The following VPS8 variants were observed in gnomAD, a reference collection of about 807,000 sequenced individuals.
The protein encoded by VPS8 is VPS8 subunit of CORVET complex, also known as vacuolar protein sorting-associated protein 8 homolog.
Under a neutral mutation model 216.4 loss-of-function variants are expected in VPS8, and 129 were observed. The observed-to-expected ratio is 0.60, with a 90% CI of 0.52 to 0.69. The LOEUF (loss-of-function observed/expected upper bound fraction) is 0.69, where lower values mean the gene tolerates loss of function less well. Among genes scored for constraint, VPS8 ranks in the 30% least tolerant of loss-of-function variants. VPS8 has a pLI of 0.00. For missense variants in VPS8, 1,531 were observed against 1,683.5 expected (o/e 0.91, Z 1.59); for synonymous variants, 571 against 565.4 (o/e 1.01, Z -0.14).
intron 21 of VPS8, among the ~76,000 whole-genome samples, chr3:184,874,458 AGC>A (rs1304214498): frequency 2.0e-5 from 3 of 152,200 alleles, no homozygotes; most frequent in Non-Finnish European, 2.9e-5. Flanking sequence ...AAATCTAGGT[AGC>A]GCCAAGAATC....
At chr3:184,882,873 C>T (rs1460854596) in intron 21 of VPS8, among the ~76,000 whole-genome samples, 1 of 151,988 alleles carries the variant, frequency 6.6e-6, no homozygotes, top group Admixed American at 6.6e-5. Context: ...CCTTATTATC[C>T]TTTTGATGTT....
At chr3:184,887,900 C>T (rs1045843597) in intron 22 of VPS8, among the ~76,000 whole-genome samples, 2 of 151,906 alleles carry the variant, frequency 1.3e-5, no homozygotes, top group African/African-American at 4.8e-5. Flanking sequence ...TTACTTGGGG[C>T]TCAAATTTAT....
intron 1 of VPS8, 61 bp from the exon 2 acceptor site, chr3:184,824,484 A>G: frequency 1.2e-6 from 1 of 827,932 alleles, no homozygotes. Flanking sequence ...TCCAATTGAC[A>G]AGGAGGAAAT....
intron 42 of VPS8, among the ~76,000 whole-genome samples, chr3:184,985,244 A>G (rs1178158015): frequency 6.6e-6 from 1 of 152,216 alleles, no homozygotes; most frequent in Non-Finnish European, 1.5e-5. Flanking sequence ...ACTGAAGTAT[A>G]GAGAAGTTGA....
intron 18 of VPS8, 146 bp downstream of exon 18, chr3:184,868,205 G>GA (rs1727718742): frequency 1.3e-6 from 1 of 741,764 alleles, no homozygotes; most frequent in Admixed American, 2.8e-5. Context: ...TTAGGTACTT[G>GA]ATTTGCTAGA....
chr3:184,924,604 T>C (rs1454773525), intron 29 of VPS8, among the ~76,000 whole-genome samples: 1 of 152,144 alleles, frequency 6.6e-6, no homozygotes, highest in Non-Finnish European at 1.5e-5. Context: ...ACACTTTACA[T>C]CTCTACCTCT....
intron 21 of VPS8, among the ~76,000 whole-genome samples, chr3:184,883,583 C>T (rs946388053): frequency 1.3e-5 from 2 of 152,124 alleles, no homozygotes; most frequent in African/African-American, 2.4e-5. Context: ...ATTTTGTCCA[C>T]GGTTCTTTAT....
At position 184,992,599 on chromosome 3, in the gene VPS8, CT is replaced by C. The variant is rs149375000; in HGVS notation, c.3586-1383del. Among the ~76,000 whole-genome samples, 210 of 151,912 alleles carry C rather than the reference CT, an allele frequency of 1.4e-3. 1 individual carries two copies. The highest frequency in any genetic ancestry group is 4.8e-3 in the African/African-American group (200 of 41,454). Reference sequence around the variant, plus strand: ...AACTTAGTAATATGTTAAACATAAACTGCTTAGTACTGTACTTGGCATATGC... The same window carrying C: ...AACTTAGTAATATGTTAAACATAAACGCTTAGTACTGTACTTGGCATATGC... On this transcript the variant is annotated intron_variant, in intron 42 of 47. Transcript: ENST00000625842.
At chr3:184,900,231 A>G (rs377357088) in intron 24 of VPS8, among the ~76,000 whole-genome samples, 1 of 152,348 alleles carries the variant, frequency 6.6e-6, no homozygotes, top group African/African-American at 2.4e-5. Context: ...CTGACAATAT[A>G]CAGATTAACA....
intron 46 of VPS8, among the ~76,000 whole-genome samples, chr3:185,036,468 C>A (rs1263556131): frequency 1.3e-5 from 2 of 152,066 alleles, no homozygotes; most frequent in Non-Finnish European, 2.9e-5. Context: ...AACCTACAAC[C>A]ACCTGATCTT....
chr3:184,876,588 G>T (rs1457537975), intron 21 of VPS8, among the ~76,000 whole-genome samples: 1 of 152,110 alleles, frequency 6.6e-6, no homozygotes, highest in Non-Finnish European at 1.5e-5. Context: ...TTTCTGCTTG[G>T]ATGTTTTGTA....
At chr3:184,897,557 G>T (rs1379138584) in intron 23 of VPS8, among the ~76,000 whole-genome samples, 3 of 152,102 alleles carry the variant, frequency 2.0e-5, no homozygotes, top group African/African-American at 7.2e-5. Context: ...TAGAGGGGAG[G>T]TTAGGGCTGA....
At chr3:185,016,501 A>G (rs1316697754) in intron 45 of VPS8, among the ~76,000 whole-genome samples, 11 of 152,236 alleles carry the variant, frequency 7.2e-5, no homozygotes, top group Non-Finnish European at 1.0e-4. Context: ...ACACTTTCCA[A>G]TGAAAACGCT....
At chr3:184,853,423 G>A (rs557261877) in intron 11 of VPS8, among the ~76,000 whole-genome samples, 5 of 152,326 alleles carry the variant, frequency 3.3e-5, no homozygotes, top group African/African-American at 1.2e-4. Flanking sequence ...TGAATGGTGA[G>A]CCAGTCAACA....
At chr3:184,928,198 T>G (rs764135898) in intron 31 of VPS8, among the ~76,000 whole-genome samples, 1 of 152,214 alleles carries the variant, frequency 6.6e-6, no homozygotes, top group Non-Finnish European at 1.5e-5. Flanking sequence ...TAATAGGGCT[T>G]TATTTGTAAA....
intron 1 of VPS8, among the ~76,000 whole-genome samples, chr3:184,820,236 G>A (rs986005865): frequency 6.6e-6 from 1 of 152,154 alleles, no homozygotes; most frequent in Non-Finnish European, 1.5e-5. Flanking sequence ...AGATCAAGAC[G>A]ACTTCAGTCC....
In VPS8 at chr3:184,843,265, T is replaced by C. The variant is rs1722521076; in HGVS notation, c.541+20T>C. The C allele has an allele frequency of 7.2e-7, 1 of 1,392,578 alleles. No individual in the cohort carries two copies. The highest frequency in any genetic ancestry group is 9.5e-7 in the Non-Finnish European group (1 of 1,052,560). The allele number at this position is 1,392,578 out of a possible 1,614,324, so 86.3% of individuals were successfully genotyped here. ...GAAAAGGTATAGTAAGTAATTTTAG[T>C]TTGCATGAATGGTTTCTTTTGGTCT... On this transcript the variant is annotated intron_variant, in intron 8 of 47. Transcript: ENST00000625842.
intron 29 of VPS8, 113 bp downstream of exon 29, chr3:184,920,311 G>T (rs1409798670): frequency 1.5e-6 from 1 of 689,566 alleles, no homozygotes; most frequent in East Asian, 3.4e-5. Context: ...GAATCATATC[G>T]TAAAATTTTA....
Position 184,983,022 on chromosome 3 carries a change from T to C in VPS8, c.3513T>C (p.Ser1171=). The part of the protein sequence containing the change: ...IPHLHSEALK[S]LTMQVLNSMA... The stretch of plus-strand genomic sequence containing the variant: ...ATTTTGTTATAACAGCTCTGAAGTC[T>C]TTGACCATGCAAGTTTTAAATAGCA... Residue 1171 remains serine, a synonymous_variant, in exon 42 of 48, where the codon TCT becomes TCC. Coordinates refer to ENST00000625842, the MANE Select transcript of VPS8 (RefSeq NM_001009921.3). 1 of 1,606,322 alleles carries C rather than the reference T, an allele frequency of 6.2e-7. No homozygotes were observed. The highest frequency in any genetic ancestry group is 8.5e-7 in the Non-Finnish European group (1 of 1,175,978).
Sources: allele counts gnomAD v4.1 joint callset (sites outside exome capture counted in the v4.1 genomes callset), GRCh38; gene constraint gnomAD v4.1.1; transcripts MANE v1.5; gene names NCBI Gene and HGNC (gene_info 2026-07-23, HGNC 2026-07-21).